The following KLHL1 variants were observed in gnomAD, a reference collection of about 807,000 sequenced individuals.
The protein encoded by KLHL1 is kelch-like protein 1.
In KLHL1, 47 loss-of-function variants were observed where a neutral mutation model predicts 77.7. The observed-to-expected ratio is 0.60, with a 90% confidence interval of 0.48 to 0.77. The LOEUF (loss-of-function observed/expected upper bound fraction) is 0.77, where lower values mean the gene tolerates loss of function less well. Among genes scored for constraint, KLHL1 ranks in the 30% least tolerant of loss-of-function variants. The pLI, the probability that KLHL1 is intolerant of heterozygous loss-of-function variation, is 0.00. For missense variants in KLHL1, 925 were observed against 910.8 expected (o/e 1.02, Z -0.20); for synonymous variants, 360 against 325.2 (o/e 1.11, Z -1.15).
intron 7 of KLHL1, among the ~76,000 whole-genome samples, chr13:69,780,229 T>G (rs1299147453): frequency 6.6e-6 from 1 of 152,214 alleles, no homozygotes; most frequent in African/African-American, 2.4e-5. Flanking sequence ...ACTTAACTTT[T>G]TATTTGCATC....
At chr13:69,751,655 C>A (rs892206610) in intron 7 of KLHL1, among the ~76,000 whole-genome samples, 1 of 152,110 alleles carries the variant, frequency 6.6e-6, no homozygotes, top group African/African-American at 2.4e-5. Context: ...AAAGACCATA[C>A]AGTGTGGGGC....
intron 7 of KLHL1, among the ~76,000 whole-genome samples, chr13:69,766,874 G>T (rs1395406770): frequency 6.6e-6 from 1 of 152,138 alleles, no homozygotes; most frequent in Admixed American, 6.5e-5. Context: ...GGACAAGCCT[G>T]ACTGGAATAA....
At chr13:69,988,867 T>C (rs576356623) in intron 1 of KLHL1, among the ~76,000 whole-genome samples, 1 of 151,942 alleles carries the variant, frequency 6.6e-6, no homozygotes, top group East Asian at 1.9e-4. Flanking sequence ...GCTTTTGTCC[T>C]TTTGTCAGAT....
At chr13:69,781,692 A>G (rs1029872222) in intron 7 of KLHL1, among the ~76,000 whole-genome samples, 9 of 152,144 alleles carry the variant, frequency 5.9e-5, no homozygotes, top group African/African-American at 2.2e-4. Flanking sequence ...ACAAAATTTG[A>G]AACACATAAA....
intron 4 of KLHL1, among the ~76,000 whole-genome samples, chr13:69,884,962 C>T (rs1881151212): frequency 1.7e-5 from 2 of 117,048 alleles, no homozygotes; most frequent in East Asian, 4.5e-4. Context: ...GAGACGGAGT[C>T]TCGCTCTGTC....
intron 5 of KLHL1, among the ~76,000 whole-genome samples, chr13:69,860,476 A>G (rs565496044): frequency 7.9e-5 from 12 of 152,176 alleles, no homozygotes; most frequent in African/African-American, 2.9e-4. Context: ...AAATTTTAGC[A>G]TGTATTTAAA....
intron 6 of KLHL1, among the ~76,000 whole-genome samples, chr13:69,837,618 ATATATGTGTGTG>A (rs1879059343): frequency 7.3e-4 from 100 of 136,906 alleles, no homozygotes; most frequent in African/African-American, 2.8e-3. Context: ...CTCTCTCTAT[ATATATGTGTGTG>A]TATATATATA....
chr13:69,877,461 CTATATA>C (rs1007551985), intron 5 of KLHL1, among the ~76,000 whole-genome samples: 1 of 149,948 alleles, frequency 6.7e-6, no homozygotes, highest in African/African-American at 2.5e-5. Flanking sequence ...TCTAAGTAAA[CTATATA>C]TATATATTTT....
chr13:69,983,720 C>T (rs1043250658), intron 1 of KLHL1, among the ~76,000 whole-genome samples: 1 of 151,726 alleles, frequency 6.6e-6, no homozygotes, highest in Admixed American at 6.6e-5. Context: ...ATGACCTGTA[C>T]TCACATCACT....
intron 1 of KLHL1, among the ~76,000 whole-genome samples, chr13:70,057,390 A>G (rs561744103): frequency 1.5e-4 from 23 of 150,678 alleles, no homozygotes; most frequent in Admixed American, 8.0e-4. Context: ...AAATAATTCC[A>G]AAAACTATAA....
chr13:69,707,721 G>T lies in KLHL1; in HGVS notation c.2091C>A (p.Leu697=). ...CAACAGCATATAATCTGTCACCAAGGAGACAGACCCCAACAGCATCTCTGG... is the reference window on the plus strand; with the variant it reads ...CAACAGCATATAATCTGTCACCAAGTAGACAGACCCCAACAGCATCTCTGG... ...SMPRDAVGVC[L]LGDRLYAVGG... The change falls in exon 10 of 11, where the codon CTC becomes CTA. Residue 697 remains leucine, a synonymous_variant. Coordinates refer to ENST00000377844, the MANE Select transcript of KLHL1 (RefSeq NM_020866.3). 6.2e-7 allele frequency: 1 copy of T among 1,612,904 alleles called. No homozygotes were observed. Among genetic ancestry groups the T allele is most frequent in the East Asian group, 2.2e-5 (1 of 44,832 alleles).
intron 4 of KLHL1, among the ~76,000 whole-genome samples, chr13:69,905,226 G>C (rs544096244): frequency 6.6e-6 from 1 of 152,186 alleles, no homozygotes; most frequent in Admixed American, 6.5e-5. Flanking sequence ...TTAAAATGTG[G>C]TGTGAAGACC....
intron 5 of KLHL1, among the ~76,000 whole-genome samples, chr13:69,854,439 C>T (rs1879809772): frequency 6.6e-6 from 1 of 151,886 alleles, no homozygotes; most frequent in Admixed American, 6.6e-5. Flanking sequence ...AAGGAGAGCA[C>T]CATGCTACTC....
At chr13:69,923,575 T>C (rs1388458837) in intron 4 of KLHL1, among the ~76,000 whole-genome samples, 1 of 152,178 alleles carries the variant, frequency 6.6e-6, no homozygotes, top group South Asian at 2.1e-4. Context: ...ATTACTACTA[T>C]GTTATCTTTG....
chr13:70,092,604 T>C (rs1035872534), intron 1 of KLHL1, among the ~76,000 whole-genome samples: 6 of 152,184 alleles, frequency 3.9e-5, no homozygotes, highest in Admixed American at 2.0e-4. Flanking sequence ...ATTCGTAGAA[T>C]GTAAAGCATT....
intron 2 of KLHL1, among the ~76,000 whole-genome samples, chr13:69,972,141 T>C (rs1161850544): frequency 7.9e-5 from 12 of 151,966 alleles, no homozygotes; most frequent in Non-Finnish European, 1.8e-4. Flanking sequence ...TCCATCAACA[T>C]AGAGAAGCAG....
chr13:70,075,596 C>T (rs1392590923), intron 1 of KLHL1, among the ~76,000 whole-genome samples: 88 of 76,896 alleles, frequency 1.1e-3, no homozygotes, highest in Non-Finnish European at 1.7e-3. Flanking sequence ...TATACACACA[C>T]ACACATATAT....
chr13:69,785,083 G>T (rs894046312), intron 7 of KLHL1, among the ~76,000 whole-genome samples: 1 of 150,862 alleles, frequency 6.6e-6, no homozygotes, highest in Admixed American at 6.6e-5. Context: ...TAGTAGAGAC[G>T]GGGTTTCACC....
intron 1 of KLHL1, among the ~76,000 whole-genome samples, chr13:70,049,226 A>G (rs1593702645): frequency 2.0e-5 from 3 of 152,340 alleles, no homozygotes; most frequent in South Asian, 4.1e-4. Flanking sequence ...AGTAAACATC[A>G]TAGAACTAAA....
Sources: gnomAD v4.1 joint callset for allele counts (sites outside exome capture counted in the v4.1 genomes callset) on GRCh38, gnomAD v4.1.1 for gene constraint, MANE v1.5 for transcripts, NCBI Gene and HGNC (gene_info 2026-07-23, HGNC 2026-07-21) for gene names.